The following PRKG1 variants were observed in gnomAD, a reference collection of about 807,000 sequenced individuals.
The protein encoded by PRKG1 is protein kinase cGMP-dependent 1.
A neutral mutation model predicts 88.1 loss-of-function variants in PRKG1; 35 were observed. That is an observed-to-expected ratio of 0.40 (90% CI 0.30 to 0.53). The LOEUF (loss-of-function observed/expected upper bound fraction) is 0.53. Ranked by LOEUF, PRKG1 falls within the 20% of genes least tolerant of loss-of-function variation. The pLI, the probability that PRKG1 is intolerant of heterozygous loss-of-function variation, is 0.59. For missense variants in PRKG1, 540 were observed against 839.8 expected (o/e 0.64, Z 4.41); for synonymous variants, 303 against 292.5 (o/e 1.04, Z -0.37).
At chr10:52,110,508 T>C (rs1847537568) in intron 7 of PRKG1, among the ~76,000 whole-genome samples, 4 of 151,980 alleles carry the variant, frequency 2.6e-5, no homozygotes, top group Non-Finnish European at 5.9e-5. Context: ...CAGAAAAATA[T>C]TGAGAAAATT....
At chr10:51,655,777 C>T (rs1169357914) in intron 3 of PRKG1, among the ~76,000 whole-genome samples, 1 of 152,098 alleles carries the variant, frequency 6.6e-6, no homozygotes, top group Non-Finnish European at 1.5e-5. Context: ...AGATCATTCC[C>T]TGGAGACACC....
intron 3 of PRKG1, among the ~76,000 whole-genome samples, chr10:51,675,927 C>A (rs1241362181): frequency 6.6e-6 from 1 of 151,988 alleles, no homozygotes; most frequent in African/African-American, 2.4e-5. Flanking sequence ...ATTTCACCAG[C>A]CTGTCATCAT....
chr10:51,083,457 G>A (rs1363126826), intron 1 of PRKG1, among the ~76,000 whole-genome samples: 2 of 151,786 alleles, frequency 1.3e-5, no homozygotes, highest in African/African-American at 2.4e-5. Context: ...TCTTGGAAGA[G>A]CAGTCCTGGG....
intron 1 of PRKG1, among the ~76,000 whole-genome samples, chr10:51,041,335 C>G (rs1308968860): frequency 1.3e-5 from 2 of 152,104 alleles, no homozygotes; most frequent in Non-Finnish European, 2.9e-5. Context: ...GAGCTGGTAC[C>G]CAAGCTGCAA....
chr10:51,874,341 C>A (rs1841236599), intron 4 of PRKG1, among the ~76,000 whole-genome samples: 1 of 152,052 alleles, frequency 6.6e-6, no homozygotes, highest in Non-Finnish European at 1.5e-5. Flanking sequence ...TTTGAAGATG[C>A]CTTTGCAGAA....
At chr10:52,062,876 G>T in intron 7 of PRKG1, 3 of 697,988 alleles carry the variant, frequency 4.3e-6, no homozygotes, top group South Asian at 1.6e-5. Flanking sequence ...ACATTTTCAG[G>T]TTTGTGTCCT....
chr10:51,101,030 C>T (rs1324392246), intron 1 of PRKG1, among the ~76,000 whole-genome samples: 2 of 152,076 alleles, frequency 1.3e-5, no homozygotes, highest in African/African-American at 4.8e-5. Flanking sequence ...GGTTCTCATC[C>T]CTCTCGCTAG....
chr10:52,177,026 T>C (rs1838884873), intron 9 of PRKG1, among the ~76,000 whole-genome samples: 1 of 152,134 alleles, frequency 6.6e-6, no homozygotes, highest in African/African-American at 2.4e-5. Flanking sequence ...CTTGCCTAAT[T>C]GCTCTGGCTA....
intron 1 of PRKG1, among the ~76,000 whole-genome samples, chr10:51,147,035 G>A (rs566984951): frequency 7.9e-5 from 12 of 152,110 alleles, no homozygotes; most frequent in Admixed American, 7.2e-4. Context: ...AAGTGAAATC[G>A]GTCAGTCACA....
At chr10:51,794,073 C>T (rs1408035156) in intron 3 of PRKG1, among the ~76,000 whole-genome samples, 2 of 152,020 alleles carry the variant, frequency 1.3e-5, no homozygotes, top group Non-Finnish European at 2.9e-5. Context: ...CAATAAAATA[C>T]ATTTTAAGTC....
intron 3 of PRKG1, among the ~76,000 whole-genome samples, chr10:51,692,619 G>A (rs1185804136): frequency 6.6e-6 from 1 of 152,118 alleles, no homozygotes; most frequent in Non-Finnish European, 1.5e-5. Flanking sequence ...CTTAAAGAAT[G>A]TGTACATCGC....
At chr10:51,054,780 A>G (rs779477146) in intron 1 of PRKG1, among the ~76,000 whole-genome samples, 1 of 152,168 alleles carries the variant, frequency 6.6e-6, no homozygotes, top group African/African-American at 2.4e-5. Flanking sequence ...CACAAGCTGT[A>G]TGATTATATG....
chr10:51,344,311 C>CT (rs1235316342), intron 2 of PRKG1, among the ~76,000 whole-genome samples: 2 of 152,144 alleles, frequency 1.3e-5, no homozygotes, highest in Non-Finnish European at 2.9e-5. Context: ...AACTCACTCA[C>CT]TATCACAAGG....
intron 3 of PRKG1, chr10:51,698,460 T>TG (rs1383667989): frequency 6.2e-7 from 1 of 1,614,018 alleles, no homozygotes; most frequent in Non-Finnish European, 8.5e-7. Context: ...GCATGATGCA[T>TG]GGGGGGACCC....
chr10:51,492,757 A>G (rs755785314), intron 3 of PRKG1, among the ~76,000 whole-genome samples: 1 of 152,166 alleles, frequency 6.6e-6, no homozygotes, highest in Non-Finnish European at 1.5e-5. Flanking sequence ...ACTTGAACTT[A>G]CAGGAATTAA....
chr10:51,989,206 A>G (rs907634190), intron 5 of PRKG1, among the ~76,000 whole-genome samples: 2 of 152,082 alleles, frequency 1.3e-5, no homozygotes, highest in African/African-American at 4.8e-5. Context: ...ATGTTATCGG[A>G]TGGGTGGAAG....
intron 2 of PRKG1, among the ~76,000 whole-genome samples, chr10:51,239,065 C>T (rs1029164322): frequency 4.0e-5 from 6 of 150,234 alleles, no homozygotes; most frequent in Non-Finnish European, 8.8e-5. Flanking sequence ...TGGAAAATAA[C>T]TATGATTTTG....
chr10:51,486,016 A>G (rs953194258), intron 3 of PRKG1, among the ~76,000 whole-genome samples: 1 of 152,114 alleles, frequency 6.6e-6, no homozygotes, highest in Non-Finnish European at 1.5e-5. Context: ...TTATCAATCT[A>G]TCCCTCCAAT....
intron 5 of PRKG1, among the ~76,000 whole-genome samples, chr10:51,979,408 C>CTGTTT (rs1843936007): frequency 2.5e-4 from 4 of 16,222 alleles, no homozygotes; most frequent in Non-Finnish European, 3.2e-4. Flanking sequence ...GGATATTGGT[C>CTGTTT]TGTTTTTTTT....
Sources: gnomAD v4.1 joint callset for allele counts (sites outside exome capture counted in the v4.1 genomes callset) on GRCh38, gnomAD v4.1.1 for gene constraint, MANE v1.5 for transcripts, NCBI Gene and HGNC (gene_info 2026-07-23, HGNC 2026-07-21) for gene names.